Variants in PARD3 observed in about 807,000 individuals in gnomAD.
The protein encoded by PARD3 is par-3 family cell polarity regulator.
In PARD3, 75 loss-of-function variants were observed where a neutral mutation model predicts 155.4. The ratio of observed to expected loss-of-function variants is 0.48; its 90% CI spans 0.40 to 0.58. PARD3 has a LOEUF of 0.58. Ranked by LOEUF, PARD3 falls within the 20% of genes least tolerant of loss-of-function variation. PARD3 has a pLI of 0.00. For missense variants in PARD3, 1,642 were observed against 1,721.7 expected, an observed-to-expected ratio of 0.95 and a Z score of 0.82; for synonymous variants, 576 against 610.5, an observed-to-expected ratio of 0.94 and a Z score of 0.83.
At chr10:34,252,872 A>G (rs1439625316) in intron 22 of PARD3, among the ~76,000 whole-genome samples, 1 of 152,152 alleles carries the variant, frequency 6.6e-6, no homozygotes, top group African/African-American at 2.4e-5. Flanking sequence ...ATAGTGAACG[A>G]TCAGAAAACC....
At chr10:34,773,530 T>C (rs1308152983) in intron 1 of PARD3, among the ~76,000 whole-genome samples, 3 of 152,206 alleles carry the variant, frequency 2.0e-5, no homozygotes, top group Non-Finnish European at 4.4e-5. Context: ...TTGATAATCA[T>C]GCCAAATTGC....
chr10:34,498,767 ACT>A (rs1182953451), intron 3 of PARD3, among the ~76,000 whole-genome samples: 1 of 152,156 alleles, frequency 6.6e-6, no homozygotes, highest in Non-Finnish European at 1.5e-5. Flanking sequence ...AAAGAGCAAG[ACT>A]CTGCCTCAAA....
chr10:34,507,575 A>T (rs2081163498), intron 3 of PARD3, among the ~76,000 whole-genome samples: 1 of 150,172 alleles, frequency 6.7e-6, no homozygotes, highest in African/African-American at 2.5e-5. Flanking sequence ...AAAAGGAGAT[A>T]CTTTGTGGGC....
chr10:34,353,318 T>C (rs562475266), intron 14 of PARD3, among the ~76,000 whole-genome samples: 25 of 152,336 alleles, frequency 1.6e-4, no homozygotes, highest in African/African-American at 5.5e-4. Flanking sequence ...AGATTTTTAC[T>C]GTGTCTGTGT....
chr10:34,204,836 G>T (rs1468124884), intron 22 of PARD3, among the ~76,000 whole-genome samples: 1 of 152,132 alleles, frequency 6.6e-6, no homozygotes, highest in Non-Finnish European at 1.5e-5. Flanking sequence ...TTCATAAGTA[G>T]AACACTTGTT....
At chr10:34,557,685 T>C (rs2085115106) in intron 2 of PARD3, among the ~76,000 whole-genome samples, 1 of 152,016 alleles carries the variant, frequency 6.6e-6, no homozygotes, top group Admixed American at 6.5e-5. Flanking sequence ...CTCAAACTCC[T>C]GACTTCAAGC....
intron 23 of PARD3, 71 bp downstream of exon 23, chr10:34,131,392 T>C (rs909379541): frequency 1.3e-6 from 2 of 1,569,290 alleles, no homozygotes; most frequent in Non-Finnish European, 8.8e-7. Flanking sequence ...AGCATTGAGG[T>C]CATAGCTTAG....
intron 5 of PARD3, among the ~76,000 whole-genome samples, chr10:34,445,180 A>C (rs1337576343): frequency 6.6e-6 from 1 of 152,238 alleles, no homozygotes; most frequent in Non-Finnish European, 1.5e-5. Flanking sequence ...TCAGGTCATT[A>C]AAGTCAGATG....
At chr10:34,786,865 T>C (rs12763418) in intron 1 of PARD3, among the ~76,000 whole-genome samples, 52,149 of 152,088 alleles carry the variant, frequency 0.34, 11,155 homozygotes, top group Non-Finnish European at 0.48. Context: ...AAAAATGGCA[T>C]GCAGAGTTCA....
chr10:34,448,300 A>G (rs962256892), intron 5 of PARD3, among the ~76,000 whole-genome samples: 3 of 151,120 alleles, frequency 2.0e-5, no homozygotes, highest in Admixed American at 2.0e-4. Flanking sequence ...CAAAATCTGT[A>G]CGATTTTACT....
chr10:34,351,284 T>A (rs988744204), intron 14 of PARD3, among the ~76,000 whole-genome samples: 1 of 152,178 alleles, frequency 6.6e-6, no homozygotes, highest in African/African-American at 2.4e-5. Context: ...TTATCCCCAA[T>A]GCCTAGCGTA....
chr10:34,469,060 A>C (rs1327250418), intron 4 of PARD3, among the ~76,000 whole-genome samples: 1 of 152,220 alleles, frequency 6.6e-6, no homozygotes, highest in Non-Finnish European at 1.5e-5. Context: ...ATTAAATAAG[A>C]GGTGAGAAGC....
In PARD3 at chr10:34,457,128, C is replaced by T. The variant is rs114938186; in HGVS notation, c.583-6680G>A. Among the ~76,000 whole-genome samples the T allele has an allele frequency of 1.3e-3, 202 of 152,194 alleles. 1 individual carries two copies. The highest frequency in any genetic ancestry group is 4.5e-3 in the African/African-American group (187 of 41,496). On this transcript the variant is annotated intron_variant, in intron 4 of 24. Coordinates refer to ENST00000374788, the MANE Select transcript of PARD3 (RefSeq NM_001184785.2). ...GCCAGTATCTTGTTAACGGTCTTAT[C>T]AAACAAGAAAAATAATCACAGGAGT... is the stretch of plus-strand genomic sequence containing the variant.
intron 21 of PARD3, among the ~76,000 whole-genome samples, chr10:34,283,212 C>T (rs1256573472): frequency 3.9e-5 from 6 of 152,102 alleles, no homozygotes; most frequent in Non-Finnish European, 7.4e-5. Flanking sequence ...GAATACTGGG[C>T]TTAATCTTAA....
rs756410161 is a variant in PARD3 at position 34,261,785 on chromosome 10, G to GAAAGA, written c.3419+7867_3419+7871dup. ...GGAAGGAAGGAAGAAAGAAAGAAAAGAAAGAAAGAAAGAAAGAAAGAAAGA... is the reference window on the plus strand; with the variant it reads ...GGAAGGAAGGAAGAAAGAAAGAAAAGAAAGAAAAGAAAGAAAGAAAGAAAGAAAGA... On this transcript the variant is annotated intron_variant, in intron 22 of 24. Coordinates refer to ENST00000374788, the MANE Select transcript of PARD3 (RefSeq NM_001184785.2). Among the ~76,000 whole-genome samples, 362 of 37,052 alleles carry GAAAGA rather than the reference G, an allele frequency of 9.8e-3. 5 individuals are homozygous for GAAAGA. Among genetic ancestry groups the GAAAGA allele is most frequent in the African/African-American group, 0.024 (351 of 14,490 alleles). 24.3% of individuals were successfully genotyped at this position (37,052 alleles called of 152,430 possible). A position where few individuals can be genotyped will look rare whatever the true frequency, so the allele number is the denominator to read the frequency against.
chr10:34,622,813 G>T (rs1301854276), intron 2 of PARD3, among the ~76,000 whole-genome samples: 1 of 147,836 alleles, frequency 6.8e-6, no homozygotes, highest in Non-Finnish European at 1.5e-5. Context: ...TGCCTGAGTT[G>T]GTTTTCTTTT....
chr10:34,612,896 C>T lies in PARD3; in HGVS notation c.222+83422G>A, dbSNP rs116737231. 9.6e-3 allele frequency among the ~76,000 whole-genome samples: 1,460 copies of T among 152,144 alleles called. 26 individuals are homozygous for T. Among genetic ancestry groups the T allele is most frequent in the African/African-American group, 0.033 (1,370 of 41,504 alleles). On this transcript the variant is annotated intron_variant, in intron 2 of 24. Coordinates refer to ENST00000374788, the MANE Select transcript of PARD3 (RefSeq NM_001184785.2). ...AGAGGTGATAAAGTAAGTTGAACAG[C>T]CAATCAAATAAATAATGCTAGTTAC...
intron 1 of PARD3, among the ~76,000 whole-genome samples, chr10:34,736,110 C>T (rs1255289140): frequency 6.6e-6 from 1 of 152,110 alleles, no homozygotes; most frequent in African/African-American, 2.4e-5. Flanking sequence ...CGGCTAGCTG[C>T]AAGCTCCACC....
intron 2 of PARD3, among the ~76,000 whole-genome samples, chr10:34,687,844 A>ATTTTTTTTTTTTTT (rs1564509050): frequency 1.7e-5 from 1 of 57,362 alleles, no homozygotes; most frequent in Admixed American, 2.0e-4. Context: ...TACACCTGAA[A>ATTTTTTTTTTTTTT]TCTTTTTTTT....
Sources: gnomAD v4.1 joint callset for allele counts (sites outside exome capture counted in the v4.1 genomes callset) on GRCh38, gnomAD v4.1.1 for gene constraint, MANE v1.5 for transcripts, NCBI Gene and HGNC (gene_info 2026-07-23, HGNC 2026-07-21) for gene names.